The following PLXNA1 variants were observed in gnomAD, a reference collection of about 807,000 sequenced individuals.
PLXNA1 encodes plexin-A1.
PLXNA1 carries 77 observed loss-of-function variants against 191.7 expected under a neutral mutation model. That is an observed-to-expected ratio of 0.40 (90% confidence interval 0.33 to 0.49). The LOEUF (loss-of-function observed/expected upper bound fraction) is 0.49, where lower values mean the gene tolerates loss of function less well. PLXNA1 is among the 20% of genes least tolerant of loss of function. The pLI is 0.63. For missense variants in PLXNA1, 2,110 were observed against 2,660.2 expected, an observed-to-expected ratio of 0.79 and a Z score of 4.55; for synonymous variants, 1,137 against 1,156.4, an observed-to-expected ratio of 0.98 and a Z score of 0.34.
intron 19 of PLXNA1, 50 bp from the exon 20 acceptor site, chr3:127,018,244 G>T: frequency 2.7e-6 from 4 of 1,500,288 alleles, no homozygotes; most frequent in Non-Finnish European, 2.7e-6. Flanking sequence ...GGGCTCCCAA[G>T]CTTTGTGGAA....
At chr3:127,021,969 C>T in intron 21 of PLXNA1, 116 bp from the exon 22 acceptor site, 1 of 1,447,934 alleles carries the variant, frequency 6.9e-7, no homozygotes, top group South Asian at 1.4e-5. Flanking sequence ...GCCTTCCAGG[C>T]CTGTCCTCTG....
At chr3:127,021,487 C>G (rs1406216237) in intron 21 of PLXNA1, among the ~76,000 whole-genome samples, 1 of 152,176 alleles carries the variant, frequency 6.6e-6, no homozygotes, top group African/African-American at 2.4e-5. Context: ...GCCAGCTATG[C>G]CTCTACTCCA....
rs766271984 is a variant in PLXNA1 at position 127,037,189 on chromosome 3, C to T, written c.*3172C>T. ...TAGCTGTCCTTTAACACCGCAGAACCCCCTCCCAGAAGAAGAGCGATCCCT... is the reference window on the plus strand; with the variant it reads ...TAGCTGTCCTTTAACACCGCAGAACTCCCTCCCAGAAGAAGAGCGATCCCT... On this transcript the variant is annotated 3_prime_UTR_variant, in exon 32 of 32. Transcript: ENST00000393409. The T allele has an allele frequency of 6.6e-6, 1 of 152,642 alleles. No homozygotes were observed. The highest frequency in any genetic ancestry group is 1.9e-4 in the East Asian group (1 of 5,194). The allele number at this position is 152,642 out of a possible 1,614,324, so 9.5% of individuals were successfully genotyped here.
At chr3:127,023,402 A>G (rs1049215704) in intron 23 of PLXNA1, among the ~76,000 whole-genome samples, 2 of 152,218 alleles carry the variant, frequency 1.3e-5, no homozygotes, top group African/African-American at 4.8e-5. Flanking sequence ...TTACAGACTC[A>G]GGTATCTGGC....
rs143472967 is a variant in PLXNA1, at chr3:127,014,715, G to C, written c.2761G>C (p.Val921Leu). ...ESEYISAEQI[V>L]CEIGDASSVR... ...CTGAGGCCCGCCTGCCCACAGGATC[G>C]TCTGTGAGATCGGGGACGCCAGCTC... is the stretch of plus-strand genomic sequence containing the variant. Residue 921 changes from valine (V) to leucine (L), a missense_variant, in exon 14 of 32, where the codon GTC becomes CTC. By Grantham distance (32) the Val-to-Leu change is conservative. Around this residue, in one of 4 missense-constraint regions of PLXNA1, gnomAD observed 644 missense variants for 714.3 expected, o/e 0.90. Transcript: ENST00000393409. The C allele has an allele frequency of 1.9e-6, 3 of 1,611,502 alleles. No individual in the cohort carries two copies. The highest frequency in any genetic ancestry group is 1.7e-5 in the Admixed American group (1 of 59,958).
At chr3:127,014,852 C>T (rs1213090059) in intron 14 of PLXNA1, 21 bp downstream of exon 14, 2 of 1,608,364 alleles carry the variant, frequency 1.2e-6, no homozygotes, top group Non-Finnish European at 1.7e-6. Context: ...TGCCCTCCCT[C>T]TCTCCCTATT....
intron 1 of PLXNA1, among the ~76,000 whole-genome samples, chr3:126,983,741 GCCCGT>G (rs1490111182): frequency 1.3e-5 from 2 of 151,652 alleles, no homozygotes; most frequent in Non-Finnish European, 3.0e-5. Context: ...CGGTGTCCAG[GCCCGT>G]CCCGGCCGCT....
intron 26 of PLXNA1, 52 bp downstream of exon 26, chr3:127,029,148 C>A: frequency 7.2e-7 from 1 of 1,395,732 alleles, no homozygotes; most frequent in Non-Finnish European, 1.0e-6. Flanking sequence ...CTTGGGGCTT[C>A]CACAGCGCAG....
intron 4 of PLXNA1, 97 bp downstream of exon 4, chr3:127,003,567 G>T (rs1360090945): frequency 2.2e-6 from 3 of 1,367,612 alleles, no homozygotes; most frequent in African/African-American, 1.5e-5. Flanking sequence ...CACATCACAA[G>T]TTGGGCGTCC....
rs763980903 is a variant in PLXNA1, at chr3:127,016,532, G to A, written c.3030G>A (p.Glu1010=). ...PCSFSWRNSR[E]IRCLTPPGQS... ...GCACCTCCAGGAGGAACTCCCGTGA[G>A]ATCCGGTGCCTGACACCCCCCGGGC... Residue 1010 remains glutamate (E), a synonymous_variant, in exon 16 of 32, where the codon GAG becomes GAA. Coordinates refer to ENST00000393409, the MANE Select transcript of PLXNA1 (RefSeq NM_032242.4). The A allele has an allele frequency of 6.2e-7, 1 of 1,613,704 alleles. No homozygotes were observed. The highest frequency in any genetic ancestry group is 1.1e-5 in the South Asian group (1 of 91,060).
At chr3:127,008,112 G>A (rs1345669139) in intron 9 of PLXNA1, among the ~76,000 whole-genome samples, 199 bp downstream of exon 9, 2 of 152,230 alleles carry the variant, frequency 1.3e-5, no homozygotes, top group East Asian at 3.9e-4. Flanking sequence ...TGGGGTCACT[G>A]TCTTGGCCTG....
chr3:127,017,157 A>C, intron 17 of PLXNA1, 120 bp downstream of exon 17: 1 of 1,062,348 alleles, frequency 9.4e-7, no homozygotes, highest in Non-Finnish European at 1.4e-6. Context: ...AGCTTATGCC[A>C]ACCTTGGCTG....
chr3:127,027,779 T>C, intron 23 of PLXNA1, 161 bp from the exon 24 acceptor site: 1 of 905,496 alleles, frequency 1.1e-6, no homozygotes, highest in Non-Finnish European at 1.8e-6. Context: ...CAGTCTCTGC[T>C]GGGCTTTGGG....
intron 1 of PLXNA1, among the ~76,000 whole-genome samples, chr3:126,985,443 C>T (rs938190632): frequency 6.6e-6 from 1 of 152,146 alleles, no homozygotes; most frequent in African/African-American, 2.4e-5. Context: ...GTTCCTACTG[C>T]CCTCTGCACA....
chr3:127,029,151 C>A, intron 26 of PLXNA1, 55 bp downstream of exon 26: 1 of 1,353,556 alleles, frequency 7.4e-7, no homozygotes. Flanking sequence ...GGGGCTTCCA[C>A]AGCGCAGCCA....
intron 16 of PLXNA1, 55 bp downstream of exon 16, chr3:127,016,739 C>T (rs1559962262): frequency 6.3e-7 from 1 of 1,590,140 alleles, no homozygotes; most frequent in Non-Finnish European, 8.6e-7. Context: ...CAGCGCTGAG[C>T]CAGGAGCTCT....
At position 126,989,420 on chromosome 3, in the gene PLXNA1, A is replaced by G; in HGVS notation, c.827A>G (p.His276Arg). The G allele has an allele frequency of 6.2e-7, 1 of 1,613,568 alleles. No homozygotes were observed. Among genetic ancestry groups the G allele is most frequent in the South Asian group, 1.1e-5 (1 of 91,088 alleles). The part of the protein sequence containing the change: ...QLTSPDAAGE[H>R]FFTSKIVRLC... ...ACCTCGCCTGATGCCGCCGGCGAGCACTTCTTCACGTCCAAGATCGTGCGG... is the reference window on the plus strand; with the variant it reads ...ACCTCGCCTGATGCCGCCGGCGAGCGCTTCTTCACGTCCAAGATCGTGCGG... Residue 276 changes from histidine (H) to arginine (R), a missense_variant, in exon 2 of 32, where the codon CAC becomes CGC. His to Arg is a conservative substitution (Grantham distance 29). Transcript: ENST00000393409.
At chr3:127,008,877 C>T (rs1434591529) in intron 9 of PLXNA1, among the ~76,000 whole-genome samples, 5 of 152,194 alleles carry the variant, frequency 3.3e-5, no homozygotes, top group Admixed American at 2.0e-4. Context: ...GGGCACAGGA[C>T]AGCGGTGGAG....
At chr3:127,021,858 C>T (rs1212356221) in intron 21 of PLXNA1, among the ~76,000 whole-genome samples, 1 of 152,218 alleles carries the variant, frequency 6.6e-6, no homozygotes, top group African/African-American at 2.4e-5. Flanking sequence ...CTGATGGCAA[C>T]AGGCAGTGGT....
Sources: gnomAD v4.1 joint callset for allele counts (sites outside exome capture counted in the v4.1 genomes callset) on GRCh38, gnomAD v4.1.1 for gene constraint, gnomAD v4.1.1 regional missense constraint, MANE v1.5 for transcripts, NCBI Gene and HGNC (gene_info 2026-07-23, HGNC 2026-07-21) for gene names.